The following STON2 variants were observed in gnomAD, a reference collection of about 807,000 sequenced individuals.
STON2 encodes the protein stonin 2.
A neutral mutation model predicts 65.7 loss-of-function variants in STON2; 29 were observed. The observed-to-expected ratio is 0.44, with a 90% confidence interval of 0.33 to 0.60. STON2 has a LOEUF of 0.60. STON2 is among the 20% of genes least tolerant of loss of function. STON2 has a pLI of 0.03. For missense variants in STON2, 1,054 were observed against 1,118.1 expected, an observed-to-expected ratio of 0.94 and a Z score of 0.82; for synonymous variants, 404 against 414.2, an observed-to-expected ratio of 0.98 and a Z score of 0.30.
intron 4 of STON2, among the ~76,000 whole-genome samples, chr14:81,357,041 T>C (rs563722910): frequency 3.3e-5 from 5 of 152,046 alleles, no homozygotes; most frequent in African/African-American, 9.7e-5. Context: ...AAAGCTAAAA[T>C]TGACAAATGG....
At chr14:81,348,665 C>T (rs1488500345) in intron 4 of STON2, among the ~76,000 whole-genome samples, 1 of 151,988 alleles carries the variant, frequency 6.6e-6, no homozygotes, top group African/African-American at 2.4e-5. Flanking sequence ...TTAAAATGAC[C>T]ACACTACCCA....
intron 5 of STON2, among the ~76,000 whole-genome samples, chr14:81,305,065 A>AT (rs1896118397): frequency 6.6e-6 from 1 of 152,146 alleles, no homozygotes; most frequent in Non-Finnish European, 1.5e-5. Context: ...TTCATATAGT[A>AT]TGTTCTCTTT....
At chr14:81,327,620 A>T (rs1481866148) in intron 4 of STON2, among the ~76,000 whole-genome samples, 1 of 152,084 alleles carries the variant, frequency 6.6e-6, no homozygotes, top group African/African-American at 2.4e-5. Flanking sequence ...TTGAAAAATG[A>T]TTTTCTTCCA....
At chr14:81,279,972 AT>A (rs1209681886) in intron 5 of STON2, among the ~76,000 whole-genome samples, 1 of 152,222 alleles carries the variant, frequency 6.6e-6, no homozygotes. Flanking sequence ...AGGGAAAAAT[AT>A]TTTAAATATT....
At chr14:81,331,134 T>C (rs2140267788) in intron 4 of STON2, among the ~76,000 whole-genome samples, 1 of 152,344 alleles carries the variant, frequency 6.6e-6, no homozygotes, top group Non-Finnish European at 1.5e-5. Context: ...CATGTGTACA[T>C]ACCTCAAGGC....
chr14:81,377,605 G>C (rs1282404176), intron 3 of STON2, among the ~76,000 whole-genome samples: 4 of 152,158 alleles, frequency 2.6e-5, no homozygotes, highest in Non-Finnish European at 5.9e-5. Flanking sequence ...TTTCCAAAGT[G>C]GTTGTACCAT....
chr14:81,355,015 T>C (rs1898169470), intron 4 of STON2, among the ~76,000 whole-genome samples: 1 of 151,564 alleles, frequency 6.6e-6, no homozygotes, highest in Non-Finnish European at 1.5e-5. Flanking sequence ...AATAGAACAC[T>C]TCAACAGCAG....
intron 4 of STON2, among the ~76,000 whole-genome samples, chr14:81,355,403 A>G (rs1427944556): frequency 6.6e-6 from 1 of 152,162 alleles, no homozygotes; most frequent in Non-Finnish European, 1.5e-5. Flanking sequence ...GAGATAAGAA[A>G]TACATCACAT....
At chr14:81,340,709 C>G (rs1046104909) in intron 4 of STON2, among the ~76,000 whole-genome samples, 4 of 152,096 alleles carry the variant, frequency 2.6e-5, no homozygotes, top group Non-Finnish European at 5.9e-5. Context: ...TTCCTGAACT[C>G]TGGAGCACTG....
intron 3 of STON2, among the ~76,000 whole-genome samples, chr14:81,375,501 C>T (rs1217310017): frequency 6.6e-6 from 1 of 151,892 alleles, no homozygotes; most frequent in African/African-American, 2.4e-5. Flanking sequence ...TAATCCTAAA[C>T]TTGGATATAT....
chr14:81,345,703 G>A (rs1296727803), intron 4 of STON2, among the ~76,000 whole-genome samples: 1 of 152,054 alleles, frequency 6.6e-6, no homozygotes, highest in Non-Finnish European at 1.5e-5. Flanking sequence ...AGAGGTTGCA[G>A]TGAACCAAGA....
intron 4 of STON2, among the ~76,000 whole-genome samples, chr14:81,330,435 CT>C (rs144222612): frequency 0.13 from 19,597 of 145,296 alleles, 1,520 homozygotes; most frequent in East Asian, 0.23. Context: ...GAGATGGTGT[CT>C]TTTTTTTTTT....
chr14:81,419,309 C>T (rs1041893043), intron 2 of STON2, among the ~76,000 whole-genome samples: 3 of 152,130 alleles, frequency 2.0e-5, no homozygotes, highest in Non-Finnish European at 4.4e-5. Context: ...CCAACTTTCT[C>T]AAGGTCACAC....
Position 81,324,552 on chromosome 14 carries a change from C to T in STON2, c.572-365G>A, listed in dbSNP as rs143646641. On this transcript the variant is annotated intron_variant, in intron 4 of 7. Coordinates refer to ENST00000614646, the MANE Select transcript of STON2 (RefSeq NM_001394390.1). The stretch of plus-strand genomic sequence containing the variant: ...CATAGGAAATGAGAGTGAAGGGTTA[C>T]TCTGGGGCAGGGGTCTGGAAGAGCC... Among the ~76,000 whole-genome samples the T allele has an allele frequency of 1.6e-3, 249 of 152,372 alleles. 1 individual carries two copies. Among genetic ancestry groups the T allele is most frequent in the African/African-American group, 5.8e-3 (240 of 41,590 alleles).
At position 81,278,460 on chromosome 14, in the gene STON2, A is replaced by C. The variant is rs1894964306; in HGVS notation, c.1022T>G (p.Met341Arg). 1.2e-6 allele frequency: 2 copies of C among 1,614,274 alleles called. No homozygotes were observed. The highest frequency in any genetic ancestry group is 1.7e-6 in the Non-Finnish European group (2 of 1,180,052). ...KKRDRPKSTL[M>R]NFSKVQKLDI... Reference sequence around the variant, plus strand: ...CAGCTTCTGAACTTTGGAGAAGTTCATCAAAGTGCTCTTGGGACGGTCCCT... The same window carrying C: ...CAGCTTCTGAACTTTGGAGAAGTTCCTCAAAGTGCTCTTGGGACGGTCCCT... The change falls in exon 6 of 8, where the codon ATG becomes AGG. Residue 341 changes from methionine (M) to arginine (R), a missense_variant. By Grantham distance (91) the Met-to-Arg change is moderately conservative (BLOSUM62 -1). Coordinates refer to ENST00000614646, the MANE Select transcript of STON2 (RefSeq NM_001394390.1).
intron 2 of STON2, among the ~76,000 whole-genome samples, chr14:81,419,088 C>T (rs571186826): frequency 1.4e-4 from 22 of 151,804 alleles, no homozygotes; most frequent in Non-Finnish European, 2.9e-4. Flanking sequence ...GTTTACTATA[C>T]TAGGATTAAC....
rs1302867478 is a variant in STON2, at chr14:81,265,146, G to T, written c.*3268C>A. 2 of 984,192 alleles carry T rather than the reference G, an allele frequency of 2.0e-6. No homozygotes were observed. Among genetic ancestry groups the T allele is most frequent in the East Asian group, 2.3e-4 (2 of 8,800 alleles). 61.0% of individuals were successfully genotyped at this position (984,192 alleles called of 1,614,324 possible). On this transcript the variant is annotated 3_prime_UTR_variant, in exon 8 of 8. Coordinates refer to ENST00000614646, the MANE Select transcript of STON2 (RefSeq NM_001394390.1). ...GAATCTGCATATCCACAGGTAATTT[G>T]CCCAACTGTTTTCTATGTAGGTTAT...
chr14:81,426,078 G>A (rs1055360403), intron 2 of STON2, among the ~76,000 whole-genome samples: 6 of 152,142 alleles, frequency 3.9e-5, no homozygotes, highest in Non-Finnish European at 8.8e-5. Flanking sequence ...CACGAATGTC[G>A]CACTTACTGA....
intron 4 of STON2, among the ~76,000 whole-genome samples, chr14:81,342,092 T>A (rs2140295163): frequency 6.6e-6 from 1 of 152,230 alleles, no homozygotes; most frequent in East Asian, 1.9e-4. Context: ...TGTGTTATAC[T>A]CCTTGACCAA....
Sources: gnomAD v4.1 joint callset for allele counts (sites outside exome capture counted in the v4.1 genomes callset) on GRCh38, gnomAD v4.1.1 for gene constraint, MANE v1.5 for transcripts, NCBI Gene and HGNC (gene_info 2026-07-23, HGNC 2026-07-21) for gene names.